WFDC5: variants seen among roughly 807,000 people sequenced by gnomAD.
The protein encoded by WFDC5 is WAP four-disulfide core domain protein 5.
A neutral mutation model predicts 15.7 loss-of-function variants in WFDC5; 15 were observed. The ratio of observed to expected loss-of-function variants is 0.96; its 90% CI spans 0.64 to 1.47. WFDC5 has a LOEUF of 1.47. Among genes scored for constraint, WFDC5 ranks in the 40% most tolerant of loss-of-function variants. The pLI, the probability that WFDC5 is intolerant of heterozygous loss-of-function variation, is 0.00. For missense variants in WFDC5, 280 were observed against 258.0 expected (o/e 1.09, Z -0.59); for synonymous variants, 109 against 107.7 (o/e 1.01, Z -0.07).
chr20:45,113,135 A>C (rs1344963541), intron 1 of WFDC5, among the ~76,000 whole-genome samples: 2 of 152,216 alleles, frequency 1.3e-5, no homozygotes, highest in African/African-American at 2.4e-5. Context: ...GACAGCATTT[A>C]ATTAGGCACT....
exon 4 of WFDC5, chr20:45,109,905 G>T: frequency 6.6e-7 from 1 of 1,508,276 alleles, no homozygotes; most frequent in Non-Finnish European, 9.2e-7. Flanking sequence ...AACCACCGCT[G>T]GTAGAGATAG....
chr20:45,114,946 T>C, intron 1 of WFDC5, 53 bp downstream of exon 1: 1 of 1,591,618 alleles, frequency 6.3e-7, no homozygotes, highest in Admixed American at 1.7e-5. Flanking sequence ...TTACTCTCCC[T>C]AGAGAAGTAG....
Position 45,110,383 on chromosome 20 carries a change from G to A in WFDC5, c.384C>T (p.Cys128=). The A allele has an allele frequency of 6.3e-7, 1 of 1,586,158 alleles. No individual in the cohort carries two copies. The highest frequency in any genetic ancestry group is 1.1e-5 in the South Asian group (1 of 87,772). The change falls in exon 3 of 4, where the codon TGC becomes TGT. Residue 128 remains cysteine (C), a synonymous_variant. Coordinates refer to ENST00000307971, the Ensembl canonical transcript of WFDC5. ...CGGAGAGGGGAGGCACCTGCCCTGGGCACCCAGGAGCCGTACCTCTGGCAG... is the reference window on the plus strand; with the variant it reads ...CGGAGAGGGGAGGCACCTGCCCTGGACACCCAGGAGCCGTACCTCTGGCAG...
At position 45,110,218 on chromosome 20, in the gene WFDC5, G is replaced by A. The variant is rs943967094; in HGVS notation, c.393+156C>T. 7.9e-5 allele frequency among the ~76,000 whole-genome samples: 12 copies of A among 152,314 alleles called. No individual in the cohort carries two copies. The South Asian group carries it at 8.3e-4, about 11-fold the overall frequency. On this transcript the variant is annotated intron_variant, in intron 3 of 3. Transcript: ENST00000307971. The stretch of plus-strand genomic sequence containing the variant: ...ACAGCAAGCTCAAGAAGAGAACCAA[G>A]GACTCCCGGGTCCTCTGTCATCCTA...
intron 1 of WFDC5, 105 bp from the exon 2 acceptor site, chr20:45,110,880 C>A: frequency 6.7e-7 from 1 of 1,483,238 alleles, no homozygotes; most frequent in Non-Finnish European, 9.1e-7. Flanking sequence ...TTGCTTTTTG[C>A]CTGTCTTTTG....
chr20:45,109,964 G>A (rs748502399), exon 4 of WFDC5: 86 of 1,614,118 alleles, frequency 5.3e-5, no homozygotes, highest in East Asian at 1.6e-4. Context: ...AACTCTTTCC[G>A]TTGGTCCCCA....
At position 45,109,902 on chromosome 20, in the gene WFDC5, G is replaced by A. The variant is rs188147053; in HGVS notation, c.505C>T (p.Arg169Trp). Residue 169 changes from arginine to tryptophan, a missense_variant, in exon 4 of 4, where the codon CGG (arginine) becomes TGG (tryptophan). By Grantham distance (101) the Arg-to-Trp change is moderately radical. Coordinates refer to ENST00000307971, the Ensembl canonical transcript of WFDC5. ...TGATTATCAGAAGGCTGGAACCACC[G>A]CTGGTAGAGATAGTGCTGTCCAGCG... The A allele has an allele frequency of 1.2e-5, 18 of 1,490,758 alleles. No individual in the cohort carries two copies. In the African/African-American group the frequency reaches 1.7e-4, roughly 14 times the overall value. The allele number at this position is 1,490,758 out of a possible 1,614,324, so 92.3% of individuals were successfully genotyped here.
intron 1 of WFDC5, among the ~76,000 whole-genome samples, chr20:45,114,658 G>A (rs754601374): frequency 2.6e-4 from 40 of 151,878 alleles, no homozygotes; most frequent in Middle Eastern, 3.2e-3. Context: ...CAGACAAGCA[G>A]ACGCAAAGAC....
At chr20:45,110,507 C>G in exon 3 of WFDC5, 1 of 1,614,188 alleles carries the variant, frequency 6.2e-7, no homozygotes, top group Non-Finnish European at 8.5e-7. Context: ...GCTGAGGCAG[C>G]GCAGTTGGTC....
At chr20:45,111,268 A>C (rs1981609686) in intron 1 of WFDC5, among the ~76,000 whole-genome samples, 1 of 149,280 alleles carries the variant, frequency 6.7e-6, no homozygotes, top group Non-Finnish European at 1.5e-5. Context: ...ACCCCACATT[A>C]ACTAGGTCAG....
chr20:45,115,217 A>G (rs944244751), upstream of WFDC5: 11 of 763,324 alleles, frequency 1.4e-5, no homozygotes, highest in Non-Finnish European at 2.0e-5. Context: ...TCTTGGCCCC[A>G]CCCCCTGAGG....
At chr20:45,110,463 A>G (rs750075104) in exon 3 of WFDC5, 3 of 1,614,034 alleles carry the variant, frequency 1.9e-6, no homozygotes, top group Non-Finnish European at 2.5e-6. Context: ...TTGCCCGAGC[A>G]GTCTGAGTCC....
chr20:45,110,533 C>T (rs772495222), exon 3 of WFDC5: 52 of 1,614,064 alleles, frequency 3.2e-5, no homozygotes, highest in Non-Finnish European at 3.6e-5. Flanking sequence ...GGCAGCTGCC[C>T]AGCTTCACTG....
exon 4 of WFDC5, chr20:45,109,959 T>C: frequency 6.2e-7 from 1 of 1,614,130 alleles, no homozygotes; most frequent in African/African-American, 1.3e-5. Context: ...TCGTGAACTC[T>C]TTCCGTTGGT....
At chr20:45,109,819 G>T in exon 4 of WFDC5, 1 of 810,756 alleles carries the variant, frequency 1.2e-6, no homozygotes, top group Non-Finnish European at 2.1e-6. Flanking sequence ...TATGGACTTT[G>T]ACTCCCAGGA....
At chr20:45,112,173 G>A (rs1981638571) in intron 1 of WFDC5, among the ~76,000 whole-genome samples, 1 of 152,148 alleles carries the variant, frequency 6.6e-6, no homozygotes, top group Admixed American at 6.5e-5. Context: ...GGGTGGTGGG[G>A]GTGATGGGAG....
chr20:45,115,220 C>T (rs1337515408), upstream of WFDC5: 4 of 731,200 alleles, frequency 5.5e-6, no homozygotes, highest in Non-Finnish European at 8.7e-6. Context: ...TGGCCCCACC[C>T]CCTGAGGGCC....
intron 3 of WFDC5, 117 bp downstream of exon 3, chr20:45,110,283 G>T (rs932627589): frequency 1.1e-5 from 16 of 1,490,208 alleles, no homozygotes; most frequent in Non-Finnish European, 1.3e-5. Flanking sequence ...CCTAATCCTG[G>T]CCATGGGAGG....
chr20:45,110,136 C>T, intron 3 of WFDC5, 123 bp from the exon 4 acceptor site: 1 of 1,413,262 alleles, frequency 7.1e-7, no homozygotes, highest in South Asian at 1.4e-5. Context: ...ATTCCTCTGC[C>T]CCCTTCAAAA....
Sources: allele counts gnomAD v4.1 joint callset (sites outside exome capture counted in the v4.1 genomes callset), GRCh38; gene constraint gnomAD v4.1.1; transcripts MANE v1.5; gene names NCBI Gene and HGNC (gene_info 2026-07-23, HGNC 2026-07-21).